CA8: variants seen among roughly 807,000 people sequenced by gnomAD.
CA8 encodes the protein carbonic anhydrase-related protein.
A neutral mutation model predicts 41.4 loss-of-function variants in CA8; 22 were observed. The observed-to-expected ratio is 0.53, with a 90% CI of 0.38 to 0.76. The LOEUF is 0.76. CA8 is among the 30% of genes least tolerant of loss of function. The probability of loss-of-function intolerance (pLI) is 0.00; values close to 1 mark genes in which losing one functional copy is unlikely to be tolerated. For synonymous variants in CA8, 121 were observed against 130.6 expected, an observed-to-expected ratio of 0.93 and a Z score of 0.50; for missense variants, 270 against 352.8, an observed-to-expected ratio of 0.77 and a Z score of 1.88.
chr8:60,257,874 G>A (rs1803599992), intron 3 of CA8, among the ~76,000 whole-genome samples: 1 of 152,182 alleles, frequency 6.6e-6, no homozygotes, highest in Non-Finnish European at 1.5e-5. Context: ...AGCTTCTGAT[G>A]ACCTGAATCT....
At chr8:60,193,587 G>A (rs1477059488) in intron 8 of CA8, among the ~76,000 whole-genome samples, 1 of 152,208 alleles carries the variant, frequency 6.6e-6, no homozygotes, top group Non-Finnish European at 1.5e-5. Context: ...TTGGTGGGTT[G>A]TAATTTTCCC....
intron 3 of CA8, among the ~76,000 whole-genome samples, chr8:60,262,499 A>G (rs1008113059): frequency 4.6e-5 from 7 of 152,222 alleles, no homozygotes; most frequent in Non-Finnish European, 8.8e-5. Context: ...ATAATCTTCT[A>G]CTCACATTAA....
At position 60,243,401 on chromosome 8, in the gene CA8, A is replaced by G. The variant is rs539701333; in HGVS notation, c.418-11022T>C. ...CTCCCCTTAGCTCCTTCTCAACACC[A>G]TTTAATATGCATAGATGTTTCTCCT... On this transcript the variant is annotated intron_variant, in intron 3 of 8. Coordinates refer to ENST00000317995, the MANE Select transcript of CA8 (RefSeq NM_004056.6). Among the ~76,000 whole-genome samples, 21 of 149,796 alleles carry G rather than the reference A, an allele frequency of 1.4e-4. No individual in the cohort carries two copies. In the South Asian group the frequency reaches 1.9e-3, roughly 14 times the overall value.
intron 5 of CA8, 32 bp downstream of exon 5, chr8:60,226,841 G>T: frequency 7.5e-7 from 1 of 1,325,690 alleles, no homozygotes; most frequent in Non-Finnish European, 1.1e-6. Flanking sequence ...TACACAACCA[G>T]TATTTCTATA....
At chr8:60,270,739 T>G (rs903378523) in intron 2 of CA8, among the ~76,000 whole-genome samples, 1 of 152,204 alleles carries the variant, frequency 6.6e-6, no homozygotes, top group African/African-American at 2.4e-5. Context: ...TCTTAATGGA[T>G]TTAAAGACTT....
intron 3 of CA8, among the ~76,000 whole-genome samples, chr8:60,249,548 G>C (rs1019050007): frequency 6.6e-6 from 1 of 152,098 alleles, no homozygotes. Context: ...CCAAATGTTG[G>C]CTTCTGACAG....
At chr8:60,215,554 C>T (rs940817391) in intron 7 of CA8, among the ~76,000 whole-genome samples, 7 of 151,850 alleles carry the variant, frequency 4.6e-5, no homozygotes, top group African/African-American at 7.3e-5. Context: ...TCCCTAAACA[C>T]CTATGGAAAT....
intron 3 of CA8, among the ~76,000 whole-genome samples, chr8:60,249,549 C>T (rs1340191837): frequency 6.6e-6 from 1 of 152,172 alleles, no homozygotes. Context: ...CAAATGTTGG[C>T]TTCTGACAGA....
intron 3 of CA8, among the ~76,000 whole-genome samples, chr8:60,254,965 G>A (rs950893691): frequency 7.9e-5 from 12 of 152,144 alleles, no homozygotes; most frequent in Non-Finnish European, 1.6e-4. Flanking sequence ...AGGAAACAAC[G>A]TTTCCTTTAC....
At chr8:60,264,175 T>C (rs1803825653) in intron 3 of CA8, among the ~76,000 whole-genome samples, 1 of 152,222 alleles carries the variant, frequency 6.6e-6, no homozygotes, top group Non-Finnish European at 1.5e-5. Flanking sequence ...GCTATCTCAG[T>C]ACAGAGCAAA....
intron 3 of CA8, among the ~76,000 whole-genome samples, chr8:60,236,119 A>T (rs1807821841): frequency 6.6e-6 from 1 of 152,204 alleles, no homozygotes; most frequent in African/African-American, 2.4e-5. Context: ...AGATGTGATT[A>T]ACATTTAAAT....
intron 3 of CA8, among the ~76,000 whole-genome samples, chr8:60,237,452 G>A (rs998211737): frequency 6.6e-6 from 1 of 152,210 alleles, no homozygotes; most frequent in Admixed American, 6.5e-5. Context: ...CCATTTCTAA[G>A]GAGAGCAAGG....
At chr8:60,224,261 A>T (rs532942720) in intron 6 of CA8, among the ~76,000 whole-genome samples, 1 of 152,286 alleles carries the variant, frequency 6.6e-6, no homozygotes, top group East Asian at 1.9e-4. Flanking sequence ...TTATTTTATT[A>T]TACTGATGCT....
intron 2 of CA8, among the ~76,000 whole-genome samples, chr8:60,271,507 A>G (rs1316726597): frequency 6.6e-6 from 1 of 152,228 alleles, no homozygotes; most frequent in Non-Finnish European, 1.5e-5. Context: ...AACACTGTTA[A>G]AAAGTTGCCA....
intron 3 of CA8, among the ~76,000 whole-genome samples, chr8:60,263,323 A>T (rs1407391366): frequency 2.6e-5 from 1 of 38,468 alleles, no homozygotes; most frequent in Admixed American, 1.9e-4. Context: ...CTCCATCTTA[A>T]AAAAAAAAAA....
intron 7 of CA8, among the ~76,000 whole-genome samples, chr8:60,219,929 TAAAAAAAAAAA>T (rs546162939): frequency 7.3e-5 from 6 of 82,034 alleles, no homozygotes; most frequent in South Asian, 1.1e-3. Flanking sequence ...AATCTTAACT[TAAAAAAAAAAA>T]AAAAAAAAAA....
intron 3 of CA8, among the ~76,000 whole-genome samples, chr8:60,258,582 A>C (rs998114561): frequency 1.3e-5 from 2 of 152,192 alleles, no homozygotes; most frequent in Non-Finnish European, 2.9e-5. Flanking sequence ...TTTATTGTGC[A>C]CTTTATTTCT....
At chr8:60,204,253 C>T (rs1194972981) in intron 8 of CA8, among the ~76,000 whole-genome samples, 1 of 152,136 alleles carries the variant, frequency 6.6e-6, no homozygotes, top group African/African-American at 2.4e-5. Context: ...ACAAACTGGT[C>T]ACAGTGATTT....
chr8:60,281,260 G>A lies in CA8; in HGVS notation c.-113C>T, dbSNP rs1585947850. The A allele has an allele frequency of 5.5e-6, 4 of 730,866 alleles. No homozygotes were observed. The highest frequency in any genetic ancestry group is 9.4e-6 in the Non-Finnish European group (4 of 423,770). The allele number at this position is 730,866 out of a possible 1,614,324, so 45.3% of individuals were successfully genotyped here. ...TGGGGGAGTGTGAGCACGCGTGAGC[G>A]GCAGTGTGAGTGCGAGAGCGCCTCC... On this transcript the variant is annotated 5_prime_UTR_variant, in exon 1 of 9. Coordinates refer to ENST00000317995, the MANE Select transcript of CA8 (RefSeq NM_004056.6).
Sources: allele counts gnomAD v4.1 joint callset (sites outside exome capture counted in the v4.1 genomes callset), GRCh38; gene constraint gnomAD v4.1.1; transcripts MANE v1.5; gene names NCBI Gene and HGNC (gene_info 2026-07-23, HGNC 2026-07-21).